Variants in AGBL4 observed in about 807,000 individuals in gnomAD.
AGBL4 encodes the protein cytosolic carboxypeptidase 6.
Under a neutral mutation model 66.4 loss-of-function variants are expected in AGBL4, and 58 were observed. That is an observed-to-expected ratio of 0.87 (90% CI 0.71 to 1.09). AGBL4 has a LOEUF of 1.09. Among genes scored for constraint, AGBL4 ranks in the 50% least tolerant of loss-of-function variants. The pLI, the probability that AGBL4 is intolerant of heterozygous loss-of-function variation, is 0.00. For synonymous variants in AGBL4, 234 were observed against 222.9 expected, an observed-to-expected ratio of 1.05 and a Z score of -0.44; for missense variants, 579 against 631.0, an observed-to-expected ratio of 0.92 and a Z score of 0.88.
At chr1:49,416,291 T>C (rs773935464) in intron 3 of AGBL4, among the ~76,000 whole-genome samples, 4 of 152,152 alleles carry the variant, frequency 2.6e-5, no homozygotes, top group Non-Finnish European at 5.9e-5. Flanking sequence ...TGTGCATACC[T>C]GTAGTTAAAC....
chr1:48,926,233 C>T (rs1160428454), intron 5 of AGBL4, among the ~76,000 whole-genome samples: 1 of 140,548 alleles, frequency 7.1e-6, no homozygotes, highest in African/African-American at 2.8e-5. Flanking sequence ...GACCACTTTG[C>T]ATGACCATGA....
Position 49,531,609 on chromosome 1 carries a change from A to G in AGBL4, c.282+165704T>C, listed in dbSNP as rs142539625. On this transcript the variant is annotated intron_variant, in intron 3 of 13. Coordinates refer to ENST00000371839, the MANE Select transcript of AGBL4 (RefSeq NM_032785.4). The stretch of plus-strand genomic sequence containing the variant: ...TTGTTCTCATTATTTTATAGATATC[A>G]TATTGTCATCATATTCTAATTCTCA... 2.0e-4 allele frequency among the ~76,000 whole-genome samples: 30 copies of G among 152,248 alleles called. No individual in the cohort carries two copies. In the East Asian group the frequency reaches 5.0e-3, roughly 25 times the overall value.
At chr1:49,609,781 G>A (rs1223822416) in intron 3 of AGBL4, among the ~76,000 whole-genome samples, 3 of 152,024 alleles carry the variant, frequency 2.0e-5, no homozygotes, top group Admixed American at 1.3e-4. Flanking sequence ...TCTATTGTTT[G>A]CTTTGTGTCC....
chr1:49,325,512 G>A (rs1471985398), intron 3 of AGBL4, among the ~76,000 whole-genome samples: 1 of 152,146 alleles, frequency 6.6e-6, no homozygotes, highest in Non-Finnish European at 1.5e-5. Flanking sequence ...TTTTAAAACA[G>A]TCAATATCCC....
chr1:49,383,963 A>AT (rs1264169137), intron 3 of AGBL4, among the ~76,000 whole-genome samples: 4 of 151,826 alleles, frequency 2.6e-5, no homozygotes, highest in Non-Finnish European at 4.4e-5. Context: ...CGCCCAGCTA[A>AT]TTTTTTGTAT....
chr1:48,878,977 T>C (rs1384124713), intron 5 of AGBL4, among the ~76,000 whole-genome samples: 2 of 152,122 alleles, frequency 1.3e-5, no homozygotes, highest in Non-Finnish European at 2.9e-5. Flanking sequence ...CAAGACTTTC[T>C]ACAAAAAATT....
chr1:48,982,233 G>A lies in AGBL4; in HGVS notation c.594+63351C>T, dbSNP rs182972803. Among the ~76,000 whole-genome samples, 214 of 152,220 alleles carry A rather than the reference G, an allele frequency of 1.4e-3. 2 individuals carry two copies. Among genetic ancestry groups the A allele is most frequent in the Admixed American group, 3.5e-3 (54 of 15,290 alleles). On this transcript the variant is annotated intron_variant, in intron 5 of 13. Transcript: ENST00000371839. Reference sequence around the variant, plus strand: ...CTTTTTTATTTAAGTTTTAGGGTACGTGTGCACAACGTGCAGGTTTGTTAC... The same window carrying A: ...CTTTTTTATTTAAGTTTTAGGGTACATGTGCACAACGTGCAGGTTTGTTAC...
chr1:49,062,531 G>A (rs1644421543), intron 4 of AGBL4, among the ~76,000 whole-genome samples: 2 of 152,306 alleles, frequency 1.3e-5, no homozygotes, highest in Admixed American at 1.3e-4. Flanking sequence ...ATGAATGCAT[G>A]AATGAGAGTG....
intron 3 of AGBL4, among the ~76,000 whole-genome samples, chr1:49,397,955 C>T (rs1157672843): frequency 6.6e-6 from 1 of 152,164 alleles, no homozygotes; most frequent in African/African-American, 2.4e-5. Flanking sequence ...CCAAGACAGA[C>T]AAAACAGACA....
At chr1:49,423,904 T>C (rs1645600166) in intron 3 of AGBL4, among the ~76,000 whole-genome samples, 1 of 151,870 alleles carries the variant, frequency 6.6e-6, no homozygotes, top group Non-Finnish European at 1.5e-5. Context: ...CCCAGCTCAT[T>C]AGTGAATAAA....
intron 1 of AGBL4, among the ~76,000 whole-genome samples, chr1:50,002,611 C>T (rs1053839873): frequency 2.8e-4 from 42 of 151,862 alleles, no homozygotes; most frequent in Non-Finnish European, 5.0e-4. Context: ...CCTCGTGATC[C>T]GCCCGCCTCG....
chr1:49,837,593 T>C (rs1645884225), intron 2 of AGBL4, among the ~76,000 whole-genome samples: 1 of 152,150 alleles, frequency 6.6e-6, no homozygotes, highest in Non-Finnish European at 1.5e-5. Context: ...ACACCTGTAA[T>C]CCCAGCACTT....
At chr1:48,911,244 G>T (rs6679429) in intron 5 of AGBL4, among the ~76,000 whole-genome samples, 54,036 of 152,068 alleles carry the variant, frequency 0.36, 12,136 homozygotes, top group Non-Finnish European at 0.5. Context: ...CTTATGAGGA[G>T]TCCTAGCTCC....
At chr1:49,357,282 T>G (rs537256741) in intron 3 of AGBL4, among the ~76,000 whole-genome samples, 1 of 152,334 alleles carries the variant, frequency 6.6e-6, no homozygotes, top group South Asian at 2.1e-4. Flanking sequence ...ACATTGAGAC[T>G]ATTCCTTGAT....
At chr1:48,568,688 T>C (rs940848374) in intron 11 of AGBL4, among the ~76,000 whole-genome samples, 8 of 152,132 alleles carry the variant, frequency 5.3e-5, no homozygotes, top group Admixed American at 2.0e-4. Flanking sequence ...GAAAACAGCA[T>C]GTTGTGTCAT....
chr1:49,745,255 G>T (rs1028954243), intron 2 of AGBL4, among the ~76,000 whole-genome samples: 2 of 151,986 alleles, frequency 1.3e-5, no homozygotes, highest in Non-Finnish European at 2.9e-5. Context: ...TCCTTTATCT[G>T]ATTGTTTCAC....
chr1:49,485,985 T>G (rs1647057831), intron 3 of AGBL4, among the ~76,000 whole-genome samples: 1 of 151,978 alleles, frequency 6.6e-6, no homozygotes, highest in African/African-American at 2.4e-5. Context: ...TTGGATTGCT[T>G]GTAACACAAA....
At chr1:49,082,278 TCA>T (rs1015127711) in intron 4 of AGBL4, among the ~76,000 whole-genome samples, 4 of 152,198 alleles carry the variant, frequency 2.6e-5, no homozygotes, top group Admixed American at 2.6e-4. Context: ...TCTCAGGCTT[TCA>T]TTTTGCTGAG....
At chr1:49,283,071 C>T (rs897264336) in intron 3 of AGBL4, among the ~76,000 whole-genome samples, 3 of 152,222 alleles carry the variant, frequency 2.0e-5, no homozygotes, top group African/African-American at 7.2e-5. Context: ...GGGGGCAGGG[C>T]ACAGACAAAC....
Sources: allele counts gnomAD v4.1 joint callset (sites outside exome capture counted in the v4.1 genomes callset), GRCh38; gene constraint gnomAD v4.1.1; transcripts MANE v1.5; gene names NCBI Gene and HGNC (gene_info 2026-07-23, HGNC 2026-07-21).